Variants in RBFOX1 observed in about 807,000 individuals in gnomAD.
RBFOX1 encodes RNA binding protein fox-1 homolog 1.
RBFOX1 carries 8 observed loss-of-function variants against 57.7 expected under a neutral mutation model. The ratio of observed to expected loss-of-function variants is 0.14; its 90% CI spans 0.08 to 0.25. The LOEUF is 0.25. Among genes scored for constraint, RBFOX1 ranks in the 10% least tolerant of loss-of-function variants. The probability of loss-of-function intolerance (pLI) is 1.00; values close to 1 mark genes in which losing one functional copy is unlikely to be tolerated. For missense variants in RBFOX1, 611 were observed against 548.5 expected, an observed-to-expected ratio of 1.11 and a Z score of -1.14; for synonymous variants, 326 against 222.4, an observed-to-expected ratio of 1.47 and a Z score of -4.15.
intron 3 of RBFOX1, among the ~76,000 whole-genome samples, chr16:6,746,681 GAA>G (rs201343789): frequency 7.0e-6 from 1 of 142,196 alleles, no homozygotes; most frequent in East Asian, 2.0e-4. Context: ...AGGTGTCAGG[GAA>G]AAAAAAAAAG....
chr16:6,104,552 C>G (rs1174435855), intron 1 of RBFOX1, among the ~76,000 whole-genome samples: 1 of 152,134 alleles, frequency 6.6e-6, no homozygotes, highest in Non-Finnish European at 1.5e-5. Context: ...CGCCTCCAAG[C>G]CCATCTTGCA....
chr16:7,214,891 CTTTTTATTT>C (rs1405168835), intron 4 of RBFOX1, among the ~76,000 whole-genome samples: 1 of 152,016 alleles, frequency 6.6e-6, no homozygotes, highest in African/African-American at 2.4e-5. Flanking sequence ...TTTGTTTATT[CTTTTTATTT>C]TATTTTACTT....
chr16:6,887,892 C>G (rs191842936), intron 3 of RBFOX1, among the ~76,000 whole-genome samples: 1 of 152,112 alleles, frequency 6.6e-6, no homozygotes, highest in African/African-American at 2.4e-5. Flanking sequence ...GAACTCCAGA[C>G]TTCAAGTGAT....
chr16:6,067,379 C>CAAA (rs71142673), intron 1 of RBFOX1, among the ~76,000 whole-genome samples: 55,419 of 130,400 alleles, frequency 0.42, 10,542 homozygotes, highest in Admixed American at 0.49. Flanking sequence ...CAAAAACAAA[C>CAAA]CAACCAAACA....
intron 4 of RBFOX1, among the ~76,000 whole-genome samples, chr16:7,325,294 C>T (rs2096596990): frequency 6.6e-6 from 1 of 152,294 alleles, no homozygotes; most frequent in South Asian, 2.1e-4. Flanking sequence ...GATAATAAAT[C>T]TGAGGCACAG....
chr16:7,219,361 G>A (rs916686902), intron 4 of RBFOX1, among the ~76,000 whole-genome samples: 3 of 152,170 alleles, frequency 2.0e-5, no homozygotes, highest in Non-Finnish European at 4.4e-5. Flanking sequence ...AAGTCAGAAA[G>A]GAGTGTTGGG....
At chr16:6,534,682 T>C (rs1050831500) in intron 2 of RBFOX1, among the ~76,000 whole-genome samples, 4 of 152,154 alleles carry the variant, frequency 2.6e-5, no homozygotes, top group African/African-American at 7.2e-5. Flanking sequence ...TAAAAGTACT[T>C]GCTTCCTTTG....
chr16:6,169,440 G>A (rs937043311), intron 1 of RBFOX1, among the ~76,000 whole-genome samples: 7 of 151,708 alleles, frequency 4.6e-5, no homozygotes, highest in African/African-American at 1.7e-4. Flanking sequence ...GGAGGTTTCT[G>A]ATGAAAAAAA....
chr16:6,836,422 T>G (rs1360524024), intron 3 of RBFOX1, among the ~76,000 whole-genome samples: 1 of 152,234 alleles, frequency 6.6e-6, no homozygotes, highest in Non-Finnish European at 1.5e-5. Flanking sequence ...GTCATATTTC[T>G]CAACAAACTC....
At chr16:6,437,222 C>T (rs1444224355) in intron 2 of RBFOX1, among the ~76,000 whole-genome samples, 1 of 152,234 alleles carries the variant, frequency 6.6e-6, no homozygotes, top group Non-Finnish European at 1.5e-5. Flanking sequence ...TGAGCGTCCA[C>T]AGCATCGTTG....
chr16:6,035,600 A>G (rs929968927), intron 1 of RBFOX1, among the ~76,000 whole-genome samples: 5 of 152,184 alleles, frequency 3.3e-5, no homozygotes, highest in African/African-American at 1.2e-4. Context: ...GTGTTCAGTA[A>G]TGCTCTACAT....
chr16:7,484,631 T>C (rs1195844774), intron 4 of RBFOX1, among the ~76,000 whole-genome samples: 2 of 152,000 alleles, frequency 1.3e-5, no homozygotes, highest in African/African-American at 2.4e-5. Context: ...GCTGGCTAAT[T>C]TTTTGTATTT....
chr16:7,318,692 C>T (rs2096489478), intron 4 of RBFOX1, among the ~76,000 whole-genome samples: 2 of 152,076 alleles, frequency 1.3e-5, no homozygotes, highest in African/African-American at 4.8e-5. Flanking sequence ...AAAAAGGTAC[C>T]TAGTGGCTTC....
chr16:6,408,384 T>C (rs1363330462), intron 2 of RBFOX1, among the ~76,000 whole-genome samples: 1 of 152,164 alleles, frequency 6.6e-6, no homozygotes, highest in African/African-American at 2.4e-5. Context: ...TATGATTTCA[T>C]TTAGAATCCG....
intron 4 of RBFOX1, among the ~76,000 whole-genome samples, chr16:7,321,306 G>C (rs1603620334): frequency 6.6e-6 from 1 of 151,832 alleles, no homozygotes. Context: ...CACCATACCC[G>C]GCTAATTTTT....
At chr16:5,313,812 G>A (rs532032451) in intron 1 of RBFOX1, among the ~76,000 whole-genome samples, 36 of 152,258 alleles carry the variant, frequency 2.4e-4, no homozygotes, top group African/African-American at 7.7e-4. Context: ...ACGTGGGAAT[G>A]GTGGGAATTA....
At chr16:7,178,955 C>G (rs1003203709) in intron 4 of RBFOX1, among the ~76,000 whole-genome samples, 12 of 152,162 alleles carry the variant, frequency 7.9e-5, no homozygotes, top group Admixed American at 7.2e-4. Context: ...ATGGTTAACA[C>G]TGCTGGCCCA....
chr16:7,342,374 C>T (rs2096914901), intron 4 of RBFOX1, among the ~76,000 whole-genome samples: 1 of 152,142 alleles, frequency 6.6e-6, no homozygotes, highest in Admixed American at 6.5e-5. Flanking sequence ...CTGTGTGATG[C>T]GGGGCTTCAG....
intron 9 of RBFOX1, among the ~76,000 whole-genome samples, chr16:7,605,517 C>G (rs1357690983): frequency 6.6e-6 from 1 of 152,138 alleles, no homozygotes; most frequent in African/African-American, 2.4e-5. Context: ...ACTGAAAGTT[C>G]TTAGAAAACA....
Sources: allele counts gnomAD v4.1 joint callset (sites outside exome capture counted in the v4.1 genomes callset), GRCh38; gene constraint gnomAD v4.1.1; transcripts MANE v1.5; gene names NCBI Gene and HGNC (gene_info 2026-07-23, HGNC 2026-07-21).